CACNA2D3: variants seen among roughly 807,000 people sequenced by gnomAD.
CACNA2D3 encodes voltage-dependent calcium channel subunit alpha-2/delta-3.
In CACNA2D3, 60 loss-of-function variants were observed where a neutral mutation model predicts 160.6. The observed-to-expected ratio is 0.37, with a 90% CI of 0.30 to 0.46. The LOEUF is 0.46. CACNA2D3 is among the 20% of genes least tolerant of loss of function. The pLI is 1.00. For missense variants in CACNA2D3, 1,205 were observed against 1,365.0 expected (o/e 0.88, Z 1.85); for synonymous variants, 558 against 492.9 (o/e 1.13, Z -1.75).
chr3:54,464,861 C>T (rs1700585042), intron 4 of CACNA2D3, among the ~76,000 whole-genome samples: 1 of 152,242 alleles, frequency 6.6e-6, no homozygotes, highest in African/African-American at 2.4e-5. Context: ...CACCCCTCTT[C>T]TGCGTCGCTT....
chr3:54,336,531 C>T (rs1704383247), intron 3 of CACNA2D3, among the ~76,000 whole-genome samples: 1 of 152,162 alleles, frequency 6.6e-6, no homozygotes, highest in Non-Finnish European at 1.5e-5. Context: ...GTCACACGCT[C>T]ATAGCTGTCT....
intron 17 of CACNA2D3, among the ~76,000 whole-genome samples, chr3:54,866,605 T>C (rs1699406359): frequency 6.6e-6 from 1 of 152,240 alleles, no homozygotes; most frequent in Non-Finnish European, 1.5e-5. Flanking sequence ...CCACAGAGGC[T>C]GCATGGATGT....
intron 18 of CACNA2D3, among the ~76,000 whole-genome samples, chr3:54,873,989 C>T (rs1699603393): frequency 6.6e-6 from 1 of 152,102 alleles, no homozygotes; most frequent in African/African-American, 2.4e-5. Context: ...AGGTTGAAAT[C>T]TAGGAAAGAA....
At chr3:54,736,016 T>TACACACCCACAC (rs1283143287) in intron 11 of CACNA2D3, among the ~76,000 whole-genome samples, 1 of 86,676 alleles carries the variant, frequency 1.2e-5, no homozygotes, top group Non-Finnish European at 2.4e-5. Flanking sequence ...TGTATATATA[T>TACACACCCACAC]ACACATACAT....
intron 14 of CACNA2D3, among the ~76,000 whole-genome samples, chr3:54,817,976 G>T (rs1703494589): frequency 6.6e-6 from 1 of 152,206 alleles, no homozygotes; most frequent in African/African-American, 2.4e-5. Context: ...ATTCCAGATT[G>T]TTTGGAAGGC....
Position 54,209,763 on chromosome 3 carries a change from A to C in CACNA2D3, c.204+86169A>C, listed in dbSNP as rs148964131. Reference sequence around the variant, plus strand: ...TAGCCTCCTCCAGAGGATGTTCTAAAGTATACGTTGGCTGTCTAGAAACGT... The same window carrying C: ...TAGCCTCCTCCAGAGGATGTTCTAACGTATACGTTGGCTGTCTAGAAACGT... On this transcript the variant is annotated intron_variant, in intron 2 of 37. Transcript: ENST00000474759. 8.9e-4 allele frequency among the ~76,000 whole-genome samples: 135 copies of C among 152,354 alleles called. 4 individuals are homozygous for C. The East Asian group carries it at 0.023, about 26-fold the overall frequency.
chr3:54,321,942 A>C (rs140193507), intron 3 of CACNA2D3, among the ~76,000 whole-genome samples: 4 of 151,496 alleles, frequency 2.6e-5, no homozygotes, highest in South Asian at 2.1e-4. Flanking sequence ...AAAAAAAAAA[A>C]CTAGTAACAG....
At chr3:54,764,919 G>A (rs998778910) in intron 13 of CACNA2D3, among the ~76,000 whole-genome samples, 2 of 152,202 alleles carry the variant, frequency 1.3e-5, no homozygotes, top group Non-Finnish European at 2.9e-5. Flanking sequence ...TTCTGATGCT[G>A]AATTAGCTGA....
At chr3:54,957,237 G>A (rs1004528321) in intron 27 of CACNA2D3, among the ~76,000 whole-genome samples, 8 of 151,672 alleles carry the variant, frequency 5.3e-5, no homozygotes, top group African/African-American at 1.9e-4. Context: ...ATAGCTCAAT[G>A]CAGCCTCAAA....
chr3:54,285,365 G>C (rs1028665713), intron 2 of CACNA2D3, among the ~76,000 whole-genome samples: 21 of 152,178 alleles, frequency 1.4e-4, no homozygotes, highest in Non-Finnish European at 2.6e-4. Flanking sequence ...ACTGCAAGGC[G>C]GCAGCGAGGC....
chr3:54,914,601 TTAAAA>T (rs1393424460), intron 27 of CACNA2D3, among the ~76,000 whole-genome samples: 3 of 152,046 alleles, frequency 2.0e-5, no homozygotes, highest in Non-Finnish European at 2.9e-5. Context: ...TAAATAAAAA[TTAAAA>T]TAAAAAAGAA....
intron 27 of CACNA2D3, among the ~76,000 whole-genome samples, chr3:54,946,763 TC>T: frequency 6.6e-6 from 1 of 150,622 alleles, no homozygotes; most frequent in South Asian, 2.1e-4. Flanking sequence ...ACACCCGAAA[TC>T]ATGGAAGAAA....
At chr3:54,383,452 A>G (rs549631494) in intron 3 of CACNA2D3, among the ~76,000 whole-genome samples, 1 of 152,226 alleles carries the variant, frequency 6.6e-6, no homozygotes, top group South Asian at 2.1e-4. Context: ...TGGGATACCT[A>G]TTTGCTTCAT....
intron 2 of CACNA2D3, among the ~76,000 whole-genome samples, chr3:54,233,308 A>G (rs1701812976): frequency 6.6e-6 from 1 of 152,196 alleles, no homozygotes; most frequent in African/African-American, 2.4e-5. Context: ...AATGAATGAT[A>G]GACAGATCCA....
At chr3:54,139,448 G>A (rs1436232385) in intron 2 of CACNA2D3, among the ~76,000 whole-genome samples, 1 of 152,252 alleles carries the variant, frequency 6.6e-6, no homozygotes, top group Non-Finnish European at 1.5e-5. Context: ...GTCAGAGCAG[G>A]CAGAAATGAC....
chr3:54,326,484 A>G (rs6769501), intron 3 of CACNA2D3, among the ~76,000 whole-genome samples: 47,987 of 152,176 alleles, frequency 0.32, 8,128 homozygotes, highest in South Asian at 0.42. Context: ...ATTAATATCT[A>G]TAGGGACTAT....
intron 17 of CACNA2D3, among the ~76,000 whole-genome samples, chr3:54,867,631 C>G (rs1699433860): frequency 6.6e-6 from 1 of 151,962 alleles, no homozygotes; most frequent in South Asian, 2.1e-4. Flanking sequence ...GATCCAGGTG[C>G]ACACACCACC....
intron 4 of CACNA2D3, among the ~76,000 whole-genome samples, chr3:54,500,383 C>T (rs1255441818): frequency 6.6e-6 from 1 of 151,970 alleles, no homozygotes; most frequent in Non-Finnish European, 1.5e-5. Flanking sequence ...GTATTTATTC[C>T]ATGCTCATTC....
At chr3:54,930,189 G>A (rs1479852972) in intron 27 of CACNA2D3, among the ~76,000 whole-genome samples, 1 of 152,092 alleles carries the variant, frequency 6.6e-6, no homozygotes, top group Non-Finnish European at 1.5e-5. Flanking sequence ...GCAAACTCTG[G>A]TTATCCCATC....
Sources: allele counts gnomAD v4.1 joint callset (sites outside exome capture counted in the v4.1 genomes callset), GRCh38; gene constraint gnomAD v4.1.1; transcripts MANE v1.5; gene names NCBI Gene and HGNC (gene_info 2026-07-23, HGNC 2026-07-21).